Variants in MBD5 observed in about 807,000 individuals in gnomAD.
The protein encoded by MBD5 is methyl-CpG-binding domain protein 5.
A neutral mutation model predicts 117.3 loss-of-function variants in MBD5; 13 were observed. The observed-to-expected ratio is 0.11, with a 90% confidence interval of 0.07 to 0.18. The LOEUF (loss-of-function observed/expected upper bound fraction) is 0.18. MBD5 is among the 10% of genes least tolerant of loss of function. The pLI is 1.00. For synonymous variants in MBD5, 727 were observed against 766.4 expected (o/e 0.95, Z 0.85); for missense variants, 1,879 against 2,093.8 (o/e 0.90, Z 2.00).
chr2:148,398,724 G>T (rs1472225785), intron 4 of MBD5, among the ~76,000 whole-genome samples: 1 of 152,140 alleles, frequency 6.6e-6, no homozygotes, highest in East Asian at 1.9e-4. Context: ...GGAAGTCCTT[G>T]CCCATGTCTA....
intron 1 of MBD5, among the ~76,000 whole-genome samples, chr2:148,168,808 A>T (rs1267144704): frequency 1.3e-5 from 2 of 152,090 alleles, no homozygotes; most frequent in Non-Finnish European, 2.9e-5. Flanking sequence ...GTGCAGCAAG[A>T]AACAGAACCT....
At chr2:148,188,213 C>G (rs533698422) in intron 2 of MBD5, among the ~76,000 whole-genome samples, 44 of 152,228 alleles carry the variant, frequency 2.9e-4, no homozygotes, top group African/African-American at 1.0e-3. Context: ...TGAATGAATT[C>G]TAGTCCCAGA....
chr2:148,180,270 A>T (rs1336449493), intron 2 of MBD5, among the ~76,000 whole-genome samples: 1 of 147,704 alleles, frequency 6.8e-6, no homozygotes, highest in East Asian at 2.0e-4. Flanking sequence ...AATTATAATG[A>T]TTAGATAACT....
At chr2:148,275,983 A>G (rs1190639430) in intron 3 of MBD5, among the ~76,000 whole-genome samples, 1 of 151,976 alleles carries the variant, frequency 6.6e-6, no homozygotes, top group Non-Finnish European at 1.5e-5. Context: ...TTAATTTGAA[A>G]TGTTTCTTGG....
At chr2:148,069,883 A>G (rs1558912769) in intron 1 of MBD5, among the ~76,000 whole-genome samples, 1 of 152,182 alleles carries the variant, frequency 6.6e-6, no homozygotes, top group Admixed American at 6.5e-5. Flanking sequence ...CAGTGTAATG[A>G]TTAAGTCAGG....
intron 1 of MBD5, among the ~76,000 whole-genome samples, chr2:148,068,983 T>C (rs186881576): frequency 6.6e-6 from 1 of 152,276 alleles, no homozygotes; most frequent in African/African-American, 2.4e-5. Context: ...TGAAAAACAC[T>C]TAGACTAAAA....
intron 1 of MBD5, among the ~76,000 whole-genome samples, chr2:148,069,440 AATG>A (rs1241632621): frequency 1.3e-5 from 2 of 151,938 alleles, no homozygotes; most frequent in Non-Finnish European, 2.9e-5. Flanking sequence ...GTTTTTTTTT[AATG>A]ATAGGAATCT....
chr2:148,226,299 TC>T (rs1331841968), intron 2 of MBD5, among the ~76,000 whole-genome samples: 1 of 152,038 alleles, frequency 6.6e-6, no homozygotes, highest in Non-Finnish European at 1.5e-5. Context: ...TGTGTGATGT[TC>T]CCCCTCCTGT....
intron 1 of MBD5, among the ~76,000 whole-genome samples, chr2:148,108,545 A>G (rs575264601): frequency 4.6e-5 from 7 of 152,202 alleles, no homozygotes; most frequent in East Asian, 3.9e-4. Context: ...AAAAAAGAAA[A>G]AAAAAAAAAA....
rs1280746055 is a variant in MBD5 at position 148,513,273 on chromosome 2, A to C, written c.*332A>C. 2 of 312,820 alleles carry C rather than the reference A, an allele frequency of 6.4e-6. No individual in the cohort carries two copies. Among genetic ancestry groups the C allele is most frequent in the Admixed American group, 4.7e-5 (1 of 21,444 alleles). 19.4% of individuals were successfully genotyped at this position (312,820 alleles called of 1,614,324 possible). A position where few individuals can be genotyped will look rare whatever the true frequency, so the allele number is the denominator to read the frequency against. On this transcript the variant is annotated 3_prime_UTR_variant, in exon 14 of 14. Coordinates refer to ENST00000642680, the MANE Select transcript of MBD5 (RefSeq NM_001378120.1). ...ATTTTCAATGTTGTATATAGAAAAT[A>C]CAGAATTTCATGGTGATATCAGAAA...
intron 3 of MBD5, among the ~76,000 whole-genome samples, chr2:148,328,832 G>A (rs578047143): frequency 3.0e-4 from 46 of 152,294 alleles, no homozygotes; most frequent in African/African-American, 8.7e-4. Context: ...GCTGTAGACC[G>A]GAGCTGTTCC....
At chr2:148,511,243 G>A (rs991341327) in intron 13 of MBD5, among the ~76,000 whole-genome samples, 2 of 152,182 alleles carry the variant, frequency 1.3e-5, no homozygotes, top group East Asian at 1.9e-4. Flanking sequence ...GCCAGACCTG[G>A]AAGCTCATTC....
At chr2:148,393,243 G>A (rs986620422) in intron 4 of MBD5, 10 of 152,120 alleles carry the variant, frequency 6.6e-5, no homozygotes, top group Admixed American at 4.6e-4. Context: ...GCAATCCTAT[G>A]GGAAGGTATT....
At chr2:148,379,755 A>G (rs1559046497) in intron 4 of MBD5, among the ~76,000 whole-genome samples, 1 of 152,110 alleles carries the variant, frequency 6.6e-6, no homozygotes, top group Non-Finnish European at 1.5e-5. Flanking sequence ...GGGAGGGGGT[A>G]TAACAGGAAC....
chr2:148,265,087 A>ACACACG (rs1700826036), intron 3 of MBD5: 1 of 151,986 alleles, frequency 6.6e-6, no homozygotes, highest in African/African-American at 2.4e-5. Context: ...ACACACAAAC[A>ACACACG]CACATATTCG....
chr2:148,479,084 T>C (rs1297399705), intron 8 of MBD5, among the ~76,000 whole-genome samples: 2 of 152,216 alleles, frequency 1.3e-5, no homozygotes. Context: ...ATAAGCAATT[T>C]CCAAATTTTC....
At chr2:148,272,605 T>A (rs1574223692) in intron 3 of MBD5, among the ~76,000 whole-genome samples, 1 of 152,192 alleles carries the variant, frequency 6.6e-6, no homozygotes, top group South Asian at 2.1e-4. Flanking sequence ...TCTATTCAGG[T>A]CCTTTGCGCA....
At chr2:148,199,919 A>G (rs1049036034) in intron 2 of MBD5, among the ~76,000 whole-genome samples, 2 of 152,190 alleles carry the variant, frequency 1.3e-5, no homozygotes, top group Non-Finnish European at 2.9e-5. Context: ...TTTGATTTTT[A>G]AACTACTACA....
intron 1 of MBD5, among the ~76,000 whole-genome samples, chr2:148,048,472 A>C (rs950831590): frequency 2.0e-5 from 3 of 152,198 alleles, no homozygotes; most frequent in African/African-American, 7.2e-5. Flanking sequence ...ACAACCTGGC[A>C]AATGCTTTAG....
Sources: gnomAD v4.1 joint callset for allele counts (sites outside exome capture counted in the v4.1 genomes callset) on GRCh38, gnomAD v4.1.1 for gene constraint, MANE v1.5 for transcripts, NCBI Gene and HGNC (gene_info 2026-07-23, HGNC 2026-07-21) for gene names.